RBMS1: variants seen among roughly 807,000 people sequenced by gnomAD.
RBMS1 encodes RNA-binding motif, single-stranded-interacting protein 1.
Under a neutral mutation model 62.3 loss-of-function variants are expected in RBMS1, and 17 were observed. The observed-to-expected ratio is 0.27, with a 90% confidence interval of 0.19 to 0.41. The LOEUF is 0.41. Among genes scored for constraint, RBMS1 ranks in the 10% least tolerant of loss-of-function variants. The pLI is 1.00. For missense variants in RBMS1, 334 were observed against 504.5 expected (o/e 0.66, Z 3.24); for synonymous variants, 172 against 170.0 (o/e 1.01, Z -0.09).
At chr2:160,333,997 T>C (rs1691427395) in intron 2 of RBMS1, among the ~76,000 whole-genome samples, 1 of 152,180 alleles carries the variant, frequency 6.6e-6, no homozygotes, top group South Asian at 2.1e-4. Flanking sequence ...GCACTTATTC[T>C]AGTACCACAG....
chr2:160,441,449 C>T (rs1360420162), intron 1 of RBMS1, among the ~76,000 whole-genome samples: 4 of 152,196 alleles, frequency 2.6e-5, no homozygotes, highest in African/African-American at 7.2e-5. Context: ...AGAGGCCGGG[C>T]ACAGTGACTC....
At chr2:160,441,860 A>T (rs139841924) in intron 1 of RBMS1, among the ~76,000 whole-genome samples, 103 of 152,320 alleles carry the variant, frequency 6.8e-4, no homozygotes, top group Non-Finnish European at 2.9e-5. Flanking sequence ...ATTCTAGTGA[A>T]TGTGAAATGG....
chr2:160,282,415 T>C lies in RBMS1; in HGVS notation c.901-1051A>G, dbSNP rs192795768. 53 of 842,674 alleles carry C rather than the reference T, an allele frequency of 6.3e-5. No individual in the cohort carries two copies. The East Asian group carries it at 1.9e-3, about 30-fold the overall frequency. The allele number at this position is 842,674 out of a possible 1,614,324, so 52.2% of individuals were successfully genotyped here. On this transcript the variant is annotated intron_variant, in intron 9 of 13. Coordinates refer to ENST00000348849, the MANE Select transcript of RBMS1 (RefSeq NM_016836.4). ...TTCTTGCAGCTGCCAATTTCTCAAA[T>C]CCAATTGCATAAGCTTATGGTGGTT...
chr2:160,294,781 G>A (rs900008647), intron 6 of RBMS1, among the ~76,000 whole-genome samples: 11 of 152,122 alleles, frequency 7.2e-5, no homozygotes, highest in Non-Finnish European at 1.6e-4. Context: ...CTGTATTTAT[G>A]AAATGTTATG....
intron 4 of RBMS1, among the ~76,000 whole-genome samples, chr2:160,312,605 C>A (rs1162980486): frequency 2.0e-5 from 3 of 152,002 alleles, no homozygotes; most frequent in African/African-American, 4.8e-5. Flanking sequence ...GATTTATATA[C>A]CATTAATAAT....
chr2:160,282,379 G>A (rs1186619331), intron 9 of RBMS1: 1 of 1,287,044 alleles, frequency 7.8e-7, no homozygotes. Context: ...TTCCCCATTG[G>A]GGTTGGTGGT....
intron 1 of RBMS1, among the ~76,000 whole-genome samples, chr2:160,471,704 T>TAA: frequency 9.9e-6 from 1 of 101,368 alleles, no homozygotes; most frequent in Admixed American, 1.1e-4. Flanking sequence ...TATATATATA[T>TAA]ATATATATAT....
At chr2:160,437,880 G>C (rs376609003) in intron 1 of RBMS1, among the ~76,000 whole-genome samples, 39 of 152,186 alleles carry the variant, frequency 2.6e-4, no homozygotes, top group African/African-American at 9.2e-4. Flanking sequence ...CTCATTTAAG[G>C]GATTAATGAT....
intron 1 of RBMS1, among the ~76,000 whole-genome samples, chr2:160,376,129 G>C (rs1693985953): frequency 6.6e-6 from 1 of 152,152 alleles, no homozygotes; most frequent in South Asian, 2.1e-4. Context: ...CCTCAGGGTG[G>C]AAAATACCCA....
At chr2:160,407,030 A>G (rs1695761072) in intron 1 of RBMS1, among the ~76,000 whole-genome samples, 1 of 149,274 alleles carries the variant, frequency 6.7e-6, no homozygotes, top group Non-Finnish European at 1.5e-5. Flanking sequence ...ACAGAGACAC[A>G]GACACACACA....
intron 2 of RBMS1, among the ~76,000 whole-genome samples, chr2:160,320,467 T>C (rs1389422334): frequency 2.0e-5 from 3 of 152,124 alleles, no homozygotes; most frequent in African/African-American, 7.2e-5. Context: ...AGTGAGACCA[T>C]GTCTCAAAAC....
At chr2:160,491,398 T>C (rs1009001920) in intron 1 of RBMS1, among the ~76,000 whole-genome samples, 2 of 152,260 alleles carry the variant, frequency 1.3e-5, no homozygotes, top group African/African-American at 4.8e-5. Context: ...TATTAAATGC[T>C]TTATGCAGGA....
At chr2:160,421,433 T>C (rs919000471) in intron 1 of RBMS1, among the ~76,000 whole-genome samples, 4 of 152,146 alleles carry the variant, frequency 2.6e-5, no homozygotes, top group African/African-American at 7.2e-5. Context: ...TTGTTGAGAA[T>C]GATGGTTTCC....
At position 160,284,784 on chromosome 2, in the gene RBMS1, A is replaced by G; in HGVS notation, c.891T>C (p.Ser297=). 1 of 1,592,826 alleles carries G rather than the reference A, an allele frequency of 6.3e-7. No homozygotes were observed. The highest frequency in any genetic ancestry group is 2.2e-5 in the East Asian group (1 of 44,770). ...TCCTAAAGGTACAAACCTGGTAGGC[A>G]GATACAGGAGATGCAATATAGGGTG... The part of the protein sequence containing the change: ...SITPYIASPV[S]AYQVQSPSWM... Residue 297 remains serine (S), a synonymous_variant, in exon 9 of 14, where the codon TCT becomes TCC. Coordinates refer to ENST00000348849, the MANE Select transcript of RBMS1 (RefSeq NM_016836.4).
rs940045296 is a variant in RBMS1, at chr2:160,493,444, CCGGCGGCGGCGGCAGCGGCGG to C, written c.-102_-82del. 135 of 1,410,554 alleles carry C rather than the reference CCGGCGGCGGCGGCAGCGGCGG, an allele frequency of 9.6e-5. No homozygotes were observed. The highest frequency in any genetic ancestry group is 3.5e-4 in the Middle Eastern group (2 of 5,664). The allele number at this position is 1,410,554 out of a possible 1,614,324, so 87.4% of individuals were successfully genotyped here. On this transcript the variant is annotated 5_prime_UTR_variant, in exon 1 of 14. Transcript: ENST00000348849. ...CTCGGGCTCTCCTGCCTCTCCCTTT[CCGGCGGCGGCGGCAGCGGCGG>C]CGGCGGCGGCGGCTGCTGCTGCTGC...
chr2:160,286,303 CTTTTTTTTTTTTTTTTATTTTG>C (rs1352387990), intron 7 of RBMS1, among the ~76,000 whole-genome samples: 1 of 122,466 alleles, frequency 8.2e-6, no homozygotes, highest in Non-Finnish European at 1.8e-5. Flanking sequence ...TTCTTCCTTT[CTTTTTTTTTTTTTTTTATTTTG>C]TTTTTTTTTT....
At chr2:160,372,708 T>C (rs1468090455) in intron 1 of RBMS1, among the ~76,000 whole-genome samples, 3 of 152,154 alleles carry the variant, frequency 2.0e-5, no homozygotes, top group African/African-American at 7.2e-5. Context: ...CTTTTGGCCA[T>C]ATGAGTGACT....
intron 5 of RBMS1, among the ~76,000 whole-genome samples, chr2:160,302,203 C>A (rs1270576507): frequency 7.0e-6 from 1 of 142,104 alleles, no homozygotes; most frequent in Non-Finnish European, 1.5e-5. Context: ...GACTTTTAGA[C>A]TTTTTTTTTT....
At chr2:160,403,943 C>CT (rs1553520205) in intron 1 of RBMS1, among the ~76,000 whole-genome samples, 96 of 152,230 alleles carry the variant, frequency 6.3e-4, no homozygotes, top group African/African-American at 2.2e-3. Context: ...TATCTAAAAG[C>CT]CTTTGAGTAT....
Sources: gnomAD v4.1 joint callset for allele counts (sites outside exome capture counted in the v4.1 genomes callset) on GRCh38, gnomAD v4.1.1 for gene constraint, MANE v1.5 for transcripts, NCBI Gene and HGNC (gene_info 2026-07-23, HGNC 2026-07-21) for gene names.